RGS10: variants seen among roughly 807,000 people sequenced by gnomAD.
RGS10 encodes the protein regulator of G protein signaling 10, also known as regulator of G-protein signalling 10.
RGS10 carries 11 observed loss-of-function variants against 23.5 expected under a neutral mutation model. The observed-to-expected ratio is 0.47, with a 90% CI of 0.29 to 0.77. The LOEUF (loss-of-function observed/expected upper bound fraction) is 0.77, where lower values mean the gene tolerates loss of function less well. Among genes scored for constraint, RGS10 ranks in the 30% least tolerant of loss-of-function variants. The probability of loss-of-function intolerance (pLI) is 0.08; values close to 1 mark genes in which losing one functional copy is unlikely to be tolerated. For synonymous variants in RGS10, 77 were observed against 83.2 expected (o/e 0.92, Z 0.41); for missense variants, 180 against 226.3 (o/e 0.80, Z 1.31).
chr10:119,542,502 C>T, intron 1 of RGS10, 88 bp downstream of exon 1: 2 of 1,202,022 alleles, frequency 1.7e-6, no homozygotes, highest in South Asian at 4.2e-5. Context: ...ACCACCGAGC[C>T]GCGCCCGAGC....
intron 3 of RGS10, among the ~76,000 whole-genome samples, chr10:119,525,153 C>A (rs959470510): frequency 1.3e-5 from 2 of 152,116 alleles, no homozygotes; most frequent in African/African-American, 2.4e-5. Flanking sequence ...GAAAAACAGG[C>A]GGTACTAGGT....
chr10:119,515,766 C>A (rs1215041124), intron 3 of RGS10, 114 bp from the exon 4 acceptor site: 2 of 1,277,398 alleles, frequency 1.6e-6, no homozygotes, highest in African/African-American at 1.5e-5. Flanking sequence ...AGAAAGGCAC[C>A]CCCCACAGCC....
intron 4 of RGS10, among the ~76,000 whole-genome samples, chr10:119,514,896 C>T (rs967567646): frequency 5.9e-5 from 9 of 152,244 alleles, no homozygotes; most frequent in South Asian, 4.1e-4. Context: ...CCTTTCCCAG[C>T]GCAAATCAAT....
chr10:119,514,706 GTAGT>G (rs1844121494), intron 4 of RGS10, among the ~76,000 whole-genome samples: 4 of 150,638 alleles, frequency 2.7e-5, no homozygotes, highest in Admixed American at 2.6e-4. Flanking sequence ...AAGCGAAATG[GTAGT>G]TAGTGTTGTC....
At chr10:119,542,309 G>A (rs1296650570) in intron 1 of RGS10, among the ~76,000 whole-genome samples, 1 of 152,218 alleles carries the variant, frequency 6.6e-6, no homozygotes, top group Non-Finnish European at 1.5e-5. Context: ...TTGGAGATTT[G>A]GGGCGCTCCT....
At chr10:119,519,433 C>T (rs1437687675) in intron 3 of RGS10, among the ~76,000 whole-genome samples, 3 of 145,052 alleles carry the variant, frequency 2.1e-5, no homozygotes, top group Non-Finnish European at 4.5e-5. Context: ...GCTTCTGTCT[C>T]CCTGTCTGTC....
At chr10:119,511,244 T>C (rs1292867041) in intron 4 of RGS10, among the ~76,000 whole-genome samples, 1 of 152,162 alleles carries the variant, frequency 6.6e-6, no homozygotes, top group Non-Finnish European at 1.5e-5. Context: ...CTTGCAGAAC[T>C]GAATTAAATC....
intron 1 of RGS10, among the ~76,000 whole-genome samples, chr10:119,528,534 T>C (rs533233331): frequency 6.6e-6 from 1 of 152,312 alleles, no homozygotes; most frequent in Non-Finnish European, 1.5e-5. Flanking sequence ...TGTTTCTGCA[T>C]TAATTTTGAT....
intron 4 of RGS10, among the ~76,000 whole-genome samples, chr10:119,502,044 AG>A (rs1346552691): frequency 6.6e-6 from 1 of 151,980 alleles, no homozygotes; most frequent in East Asian, 1.9e-4. Flanking sequence ...TGCCTCCTTA[AG>A]CCCCTGTCCT....
intron 3 of RGS10, among the ~76,000 whole-genome samples, chr10:119,519,313 A>C (rs1589837446): frequency 1.5e-5 from 2 of 136,266 alleles, no homozygotes; most frequent in African/African-American, 2.9e-5. Context: ...TCTGTCCCCC[A>C]GCTCCTGTCT....
At position 119,507,431 on chromosome 10, in the gene RGS10, C is replaced by T. The variant is rs151151088; in HGVS notation, c.400-7172G>A. 1.4e-3 allele frequency among the ~76,000 whole-genome samples: 219 copies of T among 152,230 alleles called. 1 individual carries two copies. Among genetic ancestry groups the T allele is most frequent in the African/African-American group, 4.8e-3 (201 of 41,540 alleles). On this transcript the variant is annotated intron_variant, in intron 4 of 4. Coordinates refer to ENST00000369103, the MANE Select transcript of RGS10 (RefSeq NM_001005339.2). ...CCGAGGCCCTCAATAGCTGGCCCACCCCTCTTACTTACGTTGAAAAAGGAA... is the reference window on the plus strand; with the variant it reads ...CCGAGGCCCTCAATAGCTGGCCCACTCCTCTTACTTACGTTGAAAAAGGAA...
Position 119,527,282 on chromosome 10 carries a change from C to G in RGS10, c.168+24G>C. ...ACTTCTGCACACACTGCATCCATCC[C>G]GATTAACAATGAAAAAGACAAACCC... On this transcript the variant is annotated intron_variant, in intron 2 of 4. Coordinates refer to ENST00000369103, the MANE Select transcript of RGS10 (RefSeq NM_001005339.2). The surrounding 1 kb of genome is among the most constrained non-coding windows in gnomAD (Gnocchi z 4.2). 2 of 1,555,304 alleles carry G rather than the reference C, an allele frequency of 1.3e-6. No individual in the cohort carries two copies. Among genetic ancestry groups the G allele is most frequent in the South Asian group, 1.1e-5 (1 of 89,362 alleles).
At chr10:119,519,381 GTATC>G (rs1564712149) in intron 3 of RGS10, among the ~76,000 whole-genome samples, 33 of 125,926 alleles carry the variant, frequency 2.6e-4, no homozygotes, top group African/African-American at 1.0e-3. Flanking sequence ...CTGTCTCCCT[GTATC>G]TGTCCCCCAG....
At chr10:119,520,091 C>A (rs1046308458) in intron 3 of RGS10, among the ~76,000 whole-genome samples, 1 of 152,210 alleles carries the variant, frequency 6.6e-6, no homozygotes, top group South Asian at 2.1e-4. Flanking sequence ...TGCTGGCCTC[C>A]GGCTCCTCTC....
intron 1 of RGS10, among the ~76,000 whole-genome samples, chr10:119,540,018 AC>A (rs1451676846): frequency 2.0e-5 from 3 of 151,666 alleles, no homozygotes; most frequent in Non-Finnish European, 2.9e-5. Context: ...TCTTCTCAGT[AC>A]CTCGGCCCAC....
At chr10:119,532,391 A>G (rs1040317585) in intron 1 of RGS10, among the ~76,000 whole-genome samples, 2 of 152,138 alleles carry the variant, frequency 1.3e-5, no homozygotes, top group Non-Finnish European at 2.9e-5. Flanking sequence ...CAGGGGACAC[A>G]CTAAGTAATG....
In RGS10 at chr10:119,517,841, G is replaced by C. The variant is rs1844163869; in HGVS notation, c.256-2189C>G. Among the ~76,000 whole-genome samples, 1 of 152,214 alleles carries C rather than the reference G, an allele frequency of 6.6e-6. No homozygotes were observed. The highest frequency in any genetic ancestry group is 2.4e-5 in the African/African-American group (1 of 41,452). ...GGTTCCAGTGACTGCAGGTATATAA[G>C]CTTTGAGGGTCTCAGCCCTGCCCTC... On this transcript the variant is annotated intron_variant, in intron 3 of 4. Transcript: ENST00000369103. The surrounding 1 kb of genome is among the most constrained non-coding windows in gnomAD (Gnocchi z 5.0).
At chr10:119,541,145 T>C (rs1384640276) in intron 1 of RGS10, among the ~76,000 whole-genome samples, 1 of 152,194 alleles carries the variant, frequency 6.6e-6, no homozygotes, top group Non-Finnish European at 1.5e-5. Context: ...ATCAAGTAAT[T>C]TGCCCAGTGT....
At chr10:119,514,689 G>A (rs1309294423) in intron 4 of RGS10, among the ~76,000 whole-genome samples, 3 of 149,226 alleles carry the variant, frequency 2.0e-5, no homozygotes, top group Admixed American at 2.0e-4. Flanking sequence ...CAAAAACACA[G>A]AACCAAAAGC....
Sources: allele counts gnomAD v4.1 joint callset (sites outside exome capture counted in the v4.1 genomes callset), GRCh38; gene constraint gnomAD v4.1.1; non-coding constraint Gnocchi (gnomAD v3.1); transcripts MANE v1.5; gene names NCBI Gene and HGNC (gene_info 2026-07-23, HGNC 2026-07-21).